The following PRH1 variants were observed in gnomAD, a reference collection of about 807,000 sequenced individuals.
PRH1 encodes the protein proline rich protein HaeIII subfamily 1, also known as salivary acidic proline-rich phosphoprotein 1/2.
PRH1 carries 7 observed loss-of-function variants against 7.9 expected under a neutral mutation model. That is an observed-to-expected ratio of 0.89 (90% CI 0.50 to 1.67). The LOEUF (loss-of-function observed/expected upper bound fraction) is 1.67. Ranked by LOEUF, PRH1 falls within the 40% of genes most tolerant of loss-of-function variation. The pLI is 0.00. For synonymous variants in PRH1, 45 were observed against 80.8 expected (o/e 0.56, Z 2.38); for missense variants, 109 against 223.6 (o/e 0.49, Z 3.27).
rs1430278862 is a variant in PRH1 at position 10,922,807 on chromosome 12, C to G, written c.-58-38532G>C. Reference sequence around the variant, plus strand: ...ATGTCCAAATTCATGATTATTGCATCTTTTCCATGAATTTTTTCTTTTTCT... The same window carrying G: ...ATGTCCAAATTCATGATTATTGCATGTTTTCCATGAATTTTTTCTTTTTCT... On this transcript the variant is annotated intron_variant, in intron 2 of 3. Coordinates refer to the PRH1 transcript ENST00000539853. 2.1e-5 allele frequency among the ~76,000 whole-genome samples: 3 copies of G among 143,614 alleles called. No homozygotes were observed. In the East Asian group the frequency reaches 6.1e-4, roughly 29 times the overall value. The allele number at this position is 143,614 out of a possible 152,430, so 94.2% of individuals were successfully genotyped here. A position where few individuals can be genotyped will look rare whatever the true frequency, so the allele number is the denominator to read the frequency against.
chr12:11,080,252 G>T (rs1483260693), intron 1 of PRH1, among the ~76,000 whole-genome samples: 1 of 116,850 alleles, frequency 8.6e-6, no homozygotes, highest in Non-Finnish European at 2.0e-5. Context: ...CTTATTCATG[G>T]CTTCCTGGAA....
intron 1 of PRH1, among the ~76,000 whole-genome samples, chr12:11,108,657 T>C (rs965838502): frequency 1.3e-5 from 2 of 152,316 alleles, no homozygotes; most frequent in Admixed American, 6.5e-5. Flanking sequence ...ACTTTCCCCA[T>C]GGTCTTCGTA....
intron 1 of PRH1, among the ~76,000 whole-genome samples, chr12:11,101,676 C>G (rs372237614): frequency 6.6e-6 from 1 of 151,994 alleles, no homozygotes. Context: ...TGGAGCAAAA[C>G]ATACAGATAC....
intron 2 of PRH1, chr12:10,909,520 G>T (rs1349056273): frequency 1.9e-5 from 9 of 478,614 alleles, no homozygotes; most frequent in South Asian, 5.4e-5. Context: ...CAATTTCTCT[G>T]CTGAGCCCTA....
At chr12:11,123,121 C>T (rs146519436) in intron 1 of PRH1, among the ~76,000 whole-genome samples, 482 of 152,302 alleles carry the variant, frequency 3.2e-3, no homozygotes, top group African/African-American at 0.011. Context: ...CTGGACTCAA[C>T]ATTATGTATC....
chr12:11,135,083 A>C (rs1946506513), intron 1 of PRH1, among the ~76,000 whole-genome samples: 1 of 152,158 alleles, frequency 6.6e-6, no homozygotes, highest in Non-Finnish European at 1.5e-5. Context: ...TCTAATTCTT[A>C]GGCCTTTGGT....
At chr12:11,091,481 C>T in intron 1 of PRH1, 1 of 1,347,572 alleles carries the variant, frequency 7.4e-7, no homozygotes. Context: ...TCCAAAACTC[C>T]AAACTGATAT....
chr12:10,900,414 T>C (rs1245538128), intron 2 of PRH1, among the ~76,000 whole-genome samples: 1 of 152,216 alleles, frequency 6.6e-6, no homozygotes, highest in Non-Finnish European at 1.5e-5. Context: ...AATCATTCTT[T>C]GGTAACTAAG....
In PRH1 at chr12:10,997,756, C is replaced by A; in HGVS notation, c.-125-24035G>T. 4 of 1,613,912 alleles carry A rather than the reference C, an allele frequency of 2.5e-6. No homozygotes were observed. The South Asian group carries it at 4.4e-5, about 18-fold the overall frequency. ...CAATAATTTGATCAGCTGAGGAGAT[C>A]TTTTGTCTCTTGACCCAGGCAATGA... On this transcript the variant is annotated intron_variant, in intron 1 of 3. Coordinates refer to the PRH1 transcript ENST00000539853.
chr12:11,038,441 C>A (rs1445368967), intron 1 of PRH1, among the ~76,000 whole-genome samples: 1 of 152,216 alleles, frequency 6.6e-6, no homozygotes, highest in Non-Finnish European at 1.5e-5. Context: ...GTTTTATCAC[C>A]AATGTAATAA....
intron 1 of PRH1, chr12:11,133,886 C>T (rs115417468): frequency 4.2e-5 from 67 of 1,614,032 alleles, no homozygotes; most frequent in African/African-American, 1.9e-4. Context: ...CCTCTTTATG[C>T]GAAGAAAAAT....
chr12:11,020,346 G>A (rs1248997343), intron 1 of PRH1, among the ~76,000 whole-genome samples: 12 of 119,090 alleles, frequency 1.0e-4, no homozygotes, highest in Non-Finnish European at 1.9e-4. Context: ...TTGTACTAGG[G>A]AGGACGTATG....
chr12:10,900,252 G>A (rs1222459659), intron 2 of PRH1, among the ~76,000 whole-genome samples: 24 of 152,174 alleles, frequency 1.6e-4, no homozygotes, highest in Admixed American at 1.2e-3. Flanking sequence ...TGCTCAGAGG[G>A]AAGAGTACCT....
chr12:11,080,787 T>G (rs1591973029), intron 1 of PRH1, among the ~76,000 whole-genome samples: 3 of 118,522 alleles, frequency 2.5e-5, no homozygotes, highest in African/African-American at 8.5e-5. Context: ...TCAATTTCTG[T>G]TTTTGAAGGT....
intron 1 of PRH1, among the ~76,000 whole-genome samples, chr12:11,040,167 C>T (rs1279395751): frequency 2.0e-5 from 3 of 152,074 alleles, no homozygotes; most frequent in South Asian, 2.1e-4. Flanking sequence ...CATTTTTCTC[C>T]GTTTAATTTA....
intron 1 of PRH1, chr12:11,030,897 T>A (rs199736450): frequency 2.0e-6 from 3 of 1,465,698 alleles, no homozygotes; most frequent in Non-Finnish European, 2.8e-6. Flanking sequence ...TTCATGTTTA[T>A]CACAAAAAGT....
At chr12:10,934,359 T>C (rs1263108355) in intron 2 of PRH1, among the ~76,000 whole-genome samples, 3 of 152,162 alleles carry the variant, frequency 2.0e-5, no homozygotes, top group Admixed American at 2.0e-4. Context: ...ATTCTGGAGA[T>C]AGTCAAAGCT....
intron 1 of PRH1, among the ~76,000 whole-genome samples, chr12:11,008,929 T>C (rs964332805): frequency 1.3e-5 from 2 of 151,978 alleles, no homozygotes; most frequent in African/African-American, 4.8e-5. Context: ...CCCACAGACA[T>C]AGAAAAGTCC....
chr12:11,155,136 G>C (rs564408904), intron 1 of PRH1, among the ~76,000 whole-genome samples: 1 of 152,096 alleles, frequency 6.6e-6, no homozygotes, highest in Non-Finnish European at 1.5e-5. Flanking sequence ...AGTAACACTC[G>C]ATCTGTAATT....
Sources: allele counts gnomAD v4.1 joint callset (sites outside exome capture counted in the v4.1 genomes callset), GRCh38; gene constraint gnomAD v4.1.1; transcripts MANE v1.5; gene names NCBI Gene and HGNC (gene_info 2026-07-23, HGNC 2026-07-21).